Variants in SYMPK observed in about 807,000 individuals in gnomAD.
SYMPK encodes symplekin.
SYMPK carries 49 observed loss-of-function variants against 136.4 expected under a neutral mutation model. That is an observed-to-expected ratio of 0.36 (90% CI 0.29 to 0.46). The LOEUF is 0.46. SYMPK is among the 20% of genes least tolerant of loss of function. The pLI is 1.00. For synonymous variants in SYMPK, 766 were observed against 713.0 expected (o/e 1.07, Z -1.19); for missense variants, 1,365 against 1,690.0 (o/e 0.81, Z 3.37).
At chr19:45,825,140 G>T (rs1357574985) in intron 18 of SYMPK, 31 bp downstream of exon 18, 2 of 1,601,940 alleles carry the variant, frequency 1.2e-6, no homozygotes, top group South Asian at 1.1e-5. Context: ...GCCCGTGGGT[G>T]GGCAGGGCCT....
At position 45,827,592 on chromosome 19, in the gene SYMPK, C is replaced by A; in HGVS notation, c.2099G>T (p.Arg700Leu). 6.2e-7 allele frequency: 1 copy of A among 1,614,120 alleles called. No individual in the cohort carries two copies. The highest frequency in any genetic ancestry group is 8.5e-7 in the Non-Finnish European group (1 of 1,180,016). Residue 700 changes from arginine to leucine, a missense_variant, in exon 16 of 27, where the codon CGA (arginine) becomes CTA (leucine). Physicochemically the swap from Arg to Leu is moderately radical, Grantham distance 102 (BLOSUM62 -2). Around this residue, in one of 11 missense-constraint regions of SYMPK, gnomAD observed 303 missense variants for 326.6 expected, o/e 0.93. Transcript: ENST00000245934. ...GGACGGGCGCTTGAAGATCAGGTCT[C>A]GAAGTGTGGACATGCCCAGATAGGT... ...SRTYLGMSTLRDLIFKRPSRQ... is the reference protein window; with the variant it reads ...SRTYLGMSTLLDLIFKRPSRQ...
At chr19:45,826,004 C>G (rs1306887142) in intron 17 of SYMPK, among the ~76,000 whole-genome samples, 3 of 152,166 alleles carry the variant, frequency 2.0e-5, no homozygotes, top group African/African-American at 7.2e-5. Context: ...TCAGGCCCCA[C>G]CGATGGCTGG....
At position 45,848,350 on chromosome 19, in the gene SYMPK, T is replaced by C. The variant is rs373428077; in HGVS notation, c.427-349A>G. ...ATTAATGCTAATGTACATCACACCA[T>C]AGAGTGTTCTTTTCCTATCACACTC... On this transcript the variant is annotated intron_variant, in intron 6 of 26. Coordinates refer to ENST00000245934, the MANE Select transcript of SYMPK (RefSeq NM_004819.3). 2.6e-4 allele frequency among the ~76,000 whole-genome samples: 40 copies of C among 152,356 alleles called. 1 individual carries two copies. The highest frequency in any genetic ancestry group is 3.4e-3 in the Middle Eastern group (1 of 294).
In SYMPK at chr19:45,829,054, C is replaced by A. The variant is rs761256432; in HGVS notation, c.1901G>T (p.Gly634Val). ...ATACTTGTCCAGGGAGCCCGAGGCA[C>A]CTGCGGCCAGGTAGGCGTTGTACTC... ...YQEYNAYLAA[G>V]ASGSLDKYED... is the part of the protein sequence containing the mutation. The change falls in exon 14 of 27, where the codon GGT becomes GTT. Residue 634 changes from glycine to valine, a missense_variant. By Grantham distance (109) the Gly-to-Val change is moderately radical. Coordinates refer to ENST00000245934, the MANE Select transcript of SYMPK (RefSeq NM_004819.3). The A allele has an allele frequency of 4.5e-5, 72 of 1,614,050 alleles. No homozygotes were observed. Among genetic ancestry groups the A allele is most frequent in the Non-Finnish European group, 5.6e-5 (66 of 1,180,050 alleles).
chr19:45,849,837 G>C (rs1257436292), intron 5 of SYMPK, among the ~76,000 whole-genome samples: 1 of 152,034 alleles, frequency 6.6e-6, no homozygotes, highest in African/African-American at 2.4e-5. Context: ...CCTGAGGTCA[G>C]GAGTTTGAGA....
At chr19:45,817,645 T>A (rs1216345053) in intron 23 of SYMPK, among the ~76,000 whole-genome samples, 1 of 152,030 alleles carries the variant, frequency 6.6e-6, no homozygotes, top group Non-Finnish European at 1.5e-5. Flanking sequence ...CTTAAAAAAC[T>A]GGGCCATTTT....
chr19:45,842,099 G>C, intron 9 of SYMPK, 151 bp downstream of exon 9: 1 of 1,285,194 alleles, frequency 7.8e-7, no homozygotes, highest in Non-Finnish European at 1.1e-6. Flanking sequence ...GCTTCCCAAA[G>C]TGCTGGGAAT....
chr19:45,816,792 G>T lies in SYMPK; in HGVS notation c.3258+6C>A. ...GGAAAGGGTACCTGGTGGGGGGAAG[G>T]GGTACCTGGTGGGGGGTGAAGGAGC... On this transcript the variant is annotated splice_donor_region_variant and intron_variant, in intron 24 of 26. Transcript: ENST00000245934. The T allele has an allele frequency of 2.6e-6, 4 of 1,525,760 alleles. No homozygotes were observed. The South Asian group carries it at 3.6e-5, about 14-fold the overall frequency. The allele number at this position is 1,525,760 out of a possible 1,614,324, so 94.5% of individuals were successfully genotyped here. A position where few individuals can be genotyped will look rare whatever the true frequency, so the allele number is the denominator to read the frequency against.
chr19:45,831,645 G>C, intron 11 of SYMPK, 57 bp from the exon 12 acceptor site: 1 of 1,439,656 alleles, frequency 6.9e-7, no homozygotes, highest in African/African-American at 1.4e-5. Flanking sequence ...GCTCCAACCC[G>C]AGGACCTCCT....
intron 26 of SYMPK, 52 bp downstream of exon 26, chr19:45,815,799 A>G: frequency 6.3e-7 from 1 of 1,584,670 alleles, no homozygotes; most frequent in South Asian, 1.1e-5. Flanking sequence ...CCCCACCTTC[A>G]CCCCGGCCCA....
chr19:45,857,428 A>C (rs1217037303), intron 1 of SYMPK, among the ~76,000 whole-genome samples: 15 of 150,962 alleles, frequency 9.9e-5, no homozygotes, highest in Non-Finnish European at 1.5e-4. Context: ...AAAAAAAAAA[A>C]AAAAAACACA....
chr19:45,842,117 T>G, intron 9 of SYMPK, 133 bp downstream of exon 9: 1 of 1,413,386 alleles, frequency 7.1e-7, no homozygotes. Context: ...AATACAGGTG[T>G]GAGCCACTGT....
At position 45,823,422 on chromosome 19, in the gene SYMPK, G is replaced by C. The variant is rs1246453482; in HGVS notation, c.2650C>G (p.Arg884Gly). Reference sequence around the variant, plus strand: ...ATGAGGAAGCGGACGTCTGGCAGTCGCTTGTGGTAGAGATCCCGGACCCGC... The same window carrying C: ...ATGAGGAAGCGGACGTCTGGCAGTCCCTTGTGGTAGAGATCCCGGACCCGC... ...VKRVRDLYHKRLPDVRFLIPV... is the reference protein window; with the variant it reads ...VKRVRDLYHKGLPDVRFLIPV... Residue 884 changes from arginine (R) to glycine (G), a missense_variant, in exon 20 of 27, where the codon CGA (arginine) becomes GGA (glycine). Physicochemically the swap from Arg to Gly is moderately radical, Grantham distance 125. Around this residue, in one of 11 missense-constraint regions of SYMPK, gnomAD observed 92 missense variants for 198.6 expected, o/e 0.46. Coordinates refer to ENST00000245934, the MANE Select transcript of SYMPK (RefSeq NM_004819.3). The C allele has an allele frequency of 6.2e-7, 1 of 1,614,004 alleles. No homozygotes were observed. The highest frequency in any genetic ancestry group is 8.5e-7 in the Non-Finnish European group (1 of 1,180,026).
At chr19:45,857,173 C>A (rs961319605) in intron 1 of SYMPK, among the ~76,000 whole-genome samples, 2 of 151,518 alleles carry the variant, frequency 1.3e-5, no homozygotes, top group Non-Finnish European at 2.9e-5. Context: ...CTTTGGGAGG[C>A]CAAGGCGGAC....
In SYMPK at chr19:45,827,518, T is replaced by C. The variant is rs1224600738; in HGVS notation, c.2173A>G (p.Lys725Glu). The change falls in exon 16 of 27, where the codon AAG becomes GAG. Residue 725 changes from lysine to glutamate, a missense_variant. By Grantham distance (56) the Lys-to-Glu change is moderately conservative. This residue lies in a region of SYMPK where 303 missense variants were observed against 326.6 expected (regional missense o/e 0.93). Coordinates refer to ENST00000245934, the MANE Select transcript of SYMPK (RefSeq NM_004819.3). ...HVLLDLSSHE[K>E]DKVRSQALLF... is the part of the protein sequence containing the mutation. ...GTGGAGGAGGGGATCACCTTGTCCT[T>C]CTCATGGGAGCTGAGGTCGAGGAGG... The C allele has an allele frequency of 1.2e-6, 2 of 1,613,268 alleles. No homozygotes were observed. Among genetic ancestry groups the C allele is most frequent in the Non-Finnish European group, 8.5e-7 (1 of 1,179,376 alleles).
chr19:45,853,613 CAAA>C (rs113932332), intron 3 of SYMPK, among the ~76,000 whole-genome samples: 14 of 124,316 alleles, frequency 1.1e-4, no homozygotes, highest in Non-Finnish European at 1.2e-4. Flanking sequence ...GACTCTGCCT[CAAA>C]AAAAAAAAAA....
chr19:45,827,265 C>T (rs1246704508), intron 16 of SYMPK, among the ~76,000 whole-genome samples: 2 of 152,238 alleles, frequency 1.3e-5, no homozygotes, highest in Non-Finnish European at 2.9e-5. Context: ...GGAGGGCAAG[C>T]GCACGTGTGT....
chr19:45,848,126 G>A, intron 6 of SYMPK, 125 bp from the exon 7 acceptor site: 1 of 1,250,534 alleles, frequency 8.0e-7, no homozygotes, highest in Admixed American at 2.7e-5. Flanking sequence ...TTGGTTAACA[G>A]TTACTGAGTT....
chr19:45,831,029 G>A lies in SYMPK; in HGVS notation c.1598+355C>T, dbSNP rs575863659. The A allele has an allele frequency of 5.9e-4, 104 of 177,260 alleles. 1 individual carries two copies. Among genetic ancestry groups the A allele is most frequent in the Middle Eastern group, 2.3e-3 (1 of 432 alleles). 11.0% of individuals were successfully genotyped at this position (177,260 alleles called of 1,614,324 possible). A position where few individuals can be genotyped will look rare whatever the true frequency, so the allele number is the denominator to read the frequency against. Reference sequence around the variant, plus strand: ...ATTTACTACACAACAGGAACCACGCGAAATGCTTGACAATCACAATCACTT... The same window carrying A: ...ATTTACTACACAACAGGAACCACGCAAAATGCTTGACAATCACAATCACTT... On this transcript the variant is annotated intron_variant, in intron 12 of 26. Coordinates refer to ENST00000245934, the MANE Select transcript of SYMPK (RefSeq NM_004819.3).
Sources: allele counts gnomAD v4.1 joint callset (sites outside exome capture counted in the v4.1 genomes callset), GRCh38; gene constraint gnomAD v4.1.1; regional missense constraint gnomAD v4.1.1; transcripts MANE v1.5; gene names NCBI Gene and HGNC (gene_info 2026-07-23, HGNC 2026-07-21).